The following MAP3K4 variants were observed in gnomAD, a reference collection of about 807,000 sequenced individuals.
MAP3K4 encodes MAP three kinase 1.
A neutral mutation model predicts 185.6 loss-of-function variants in MAP3K4; 67 were observed. That is an observed-to-expected ratio of 0.36 (90% CI 0.30 to 0.44). The LOEUF is 0.44. Among genes scored for constraint, MAP3K4 ranks in the 20% least tolerant of loss-of-function variants. The pLI is 1.00. For missense variants in MAP3K4, 1,551 were observed against 1,995.1 expected (o/e 0.78, Z 4.24); for synonymous variants, 702 against 710.4 (o/e 0.99, Z 0.19).
In MAP3K4 at chr6:161,034,572, A is replaced by ATT. The variant is rs3214734; in HGVS notation, c.343+131_343+132dup. 9,458 of 559,844 alleles carry ATT rather than the reference A, an allele frequency of 0.017. 120 individuals are homozygous for ATT. The highest frequency in any genetic ancestry group is 0.074 in the African/African-American group (3,771 of 51,226). 34.7% of individuals were successfully genotyped at this position (559,844 alleles called of 1,614,324 possible). ...GATTTTAATGCTCCTGTAAAGTTCA[A>ATT]TTTTTTTTTGAATTATTACCATTAG... On this transcript the variant is annotated intron_variant, in intron 2 of 26. Coordinates refer to ENST00000392142, the MANE Select transcript of MAP3K4 (RefSeq NM_005922.4). This position sits in a 1 kb window ranked among gnomAD's most constrained non-coding sequence, Gnocchi z 4.4.
intron 4 of MAP3K4, among the ~76,000 whole-genome samples, chr6:161,072,426 ATG>A (rs906333984): frequency 2.6e-5 from 4 of 152,170 alleles, no homozygotes; most frequent in African/African-American, 7.2e-5. Context: ...ACAAGTAAGT[ATG>A]TGTGTGTGTG....
Position 161,112,568 on chromosome 6 carries a change from G to T in MAP3K4, c.4520-100G>T. 1 of 731,226 alleles carries T rather than the reference G, an allele frequency of 1.4e-6. No homozygotes were observed. The highest frequency in any genetic ancestry group is 4.9e-5 in the South Asian group (1 of 20,344). 45.3% of individuals were successfully genotyped at this position (731,226 alleles called of 1,614,324 possible). On this transcript the variant is annotated intron_variant, in intron 24 of 26. Coordinates refer to ENST00000392142, the MANE Select transcript of MAP3K4 (RefSeq NM_005922.4). The surrounding 1 kb of genome is among the most constrained non-coding windows in gnomAD (Gnocchi z 5.1). The stretch of plus-strand genomic sequence containing the variant: ...TGATATTTCCCATTACCTAATGCAG[G>T]AAGATAATATTGTACAATATTAATT...
At chr6:161,055,126 CAG>C (rs996489162) in intron 3 of MAP3K4, among the ~76,000 whole-genome samples, 1 of 152,094 alleles carries the variant, frequency 6.6e-6, no homozygotes, top group Non-Finnish European at 1.5e-5. Flanking sequence ...CTCTCAATGA[CAG>C]GGATTGTCTT....
chr6:160,998,050 A>G (rs1562469351), intron 1 of MAP3K4, among the ~76,000 whole-genome samples: 1 of 152,134 alleles, frequency 6.6e-6, no homozygotes, highest in Non-Finnish European at 1.5e-5. Context: ...ATAAAAATAA[A>G]TAAAGAGATG....
intron 1 of MAP3K4, among the ~76,000 whole-genome samples, chr6:161,001,495 C>T (rs1450334115): frequency 2.0e-5 from 3 of 152,024 alleles, no homozygotes; most frequent in Admixed American, 1.3e-4. Flanking sequence ...CCTCAGAGCC[C>T]CTGCAGTTTG....
intron 1 of MAP3K4, among the ~76,000 whole-genome samples, chr6:161,029,621 C>CAAAT: frequency 6.6e-6 from 1 of 152,172 alleles, no homozygotes; most frequent in Admixed American, 6.5e-5. Context: ...ACAAGTAAGA[C>CAAAT]AAATGTTTCA....
At chr6:161,024,758 G>A (rs982917860) in intron 1 of MAP3K4, among the ~76,000 whole-genome samples, 1 of 152,078 alleles carries the variant, frequency 6.6e-6, no homozygotes, top group African/African-American at 2.4e-5. Flanking sequence ...AAGCTTGATC[G>A]CCTGTTTGTT....
intron 6 of MAP3K4, among the ~76,000 whole-genome samples, chr6:161,083,023 C>T (rs1017453672): frequency 2.6e-5 from 4 of 152,178 alleles, no homozygotes; most frequent in African/African-American, 7.2e-5. Context: ...CTTCTAGACC[C>T]TCCTGTCCTG....
rs753704099 is a variant in MAP3K4, at chr6:161,091,587, G to C, written c.3135+47G>C. ...ACACGGTACAATTTAGTAATTGCTT[G>C]ATAACTTACAGAAAGTTTTTGGAAC... On this transcript the variant is annotated intron_variant, in intron 12 of 26. Coordinates refer to ENST00000392142, the MANE Select transcript of MAP3K4 (RefSeq NM_005922.4). The surrounding 1 kb of genome is among the most constrained non-coding windows in gnomAD (Gnocchi z 5.5). The C allele has an allele frequency of 5.2e-6, 8 of 1,551,234 alleles. No individual in the cohort carries two copies. The highest frequency in any genetic ancestry group is 7.0e-6 in the Non-Finnish European group (8 of 1,143,422).
rs889208625 is a variant in MAP3K4 at position 161,077,308 on chromosome 6, A to C, written c.2098-3573A>C. Among the ~76,000 whole-genome samples, 1 of 150,560 alleles carries C rather than the reference A, an allele frequency of 6.6e-6. No homozygotes were observed. The highest frequency in any genetic ancestry group is 2.4e-5 in the African/African-American group (1 of 41,278). Reference sequence around the variant, plus strand: ...TACATGTACCCCGGAACTTAAAATAAAAATTAAAGAAAAATCAACAAGAAC... The same window carrying C: ...TACATGTACCCCGGAACTTAAAATACAAATTAAAGAAAAATCAACAAGAAC... On this transcript the variant is annotated intron_variant, in intron 5 of 26. Transcript: ENST00000392142. The surrounding 1 kb of genome is among the most constrained non-coding windows in gnomAD (Gnocchi z 4.3).
chr6:161,019,960 C>T (rs2115109160), intron 1 of MAP3K4, among the ~76,000 whole-genome samples: 1 of 152,286 alleles, frequency 6.6e-6, no homozygotes, highest in East Asian at 1.9e-4. Flanking sequence ...TTATTTTATT[C>T]ACTGCATCTT....
Position 161,073,651 on chromosome 6 carries a change from G to C in MAP3K4, c.2097+39G>C, listed in dbSNP as rs148884354. The C allele has an allele frequency of 3.2e-6, 5 of 1,583,902 alleles. No homozygotes were observed. Among genetic ancestry groups the C allele is most frequent in the Middle Eastern group, 1.8e-4 (1 of 5,494 alleles). The stretch of plus-strand genomic sequence containing the variant: ...GGGAGGAATTTTTCTTTCTTTCTTT[G>C]TTTCTTTTTTTAAAAAAGTAAGCCT... On this transcript the variant is annotated intron_variant, in intron 5 of 26. Transcript: ENST00000392142. This position sits in a 1 kb window ranked among gnomAD's most constrained non-coding sequence, Gnocchi z 4.2.
chr6:161,065,799 G>C (rs918458291), intron 3 of MAP3K4, among the ~76,000 whole-genome samples: 3 of 152,018 alleles, frequency 2.0e-5, no homozygotes, highest in Non-Finnish European at 4.4e-5. Context: ...TTAGTCTGGC[G>C]TGGTGGCGGG....
chr6:161,006,317 G>T (rs949610078), intron 1 of MAP3K4, among the ~76,000 whole-genome samples: 1 of 152,160 alleles, frequency 6.6e-6, no homozygotes, highest in Non-Finnish European at 1.5e-5. Context: ...TTCTGCATCT[G>T]TGGATTCAAC....
chr6:161,041,926 C>CT (rs869273927), intron 2 of MAP3K4, among the ~76,000 whole-genome samples: 6 of 45,182 alleles, frequency 1.3e-4, no homozygotes, highest in Non-Finnish European at 2.4e-4. Context: ...TTTTTTTTTT[C>CT]TTTTTTTTTT....
At position 161,109,793 on chromosome 6, in the gene MAP3K4, G is replaced by A; in HGVS notation, c.4275G>A (p.Gly1425=). ...MYIFMEYCDE[G]TLEEVSRLGL... ...TCTTCATGGAGTACTGCGATGAGGG[G>A]ACTTTAGAAGAGGTGTCAAGGCTGG... The change falls in exon 23 of 27, where the codon GGG becomes GGA. Residue 1425 remains glycine, a synonymous_variant. Transcript: ENST00000392142. This position sits in a 1 kb window ranked among gnomAD's most constrained non-coding sequence, Gnocchi z 5.7. 6.2e-7 allele frequency: 1 copy of A among 1,614,134 alleles called. No individual in the cohort carries two copies. The highest frequency in any genetic ancestry group is 1.3e-5 in the African/African-American group (1 of 75,020).
chr6:161,006,460 G>T (rs1781586476), intron 1 of MAP3K4, among the ~76,000 whole-genome samples: 2 of 152,088 alleles, frequency 1.3e-5, no homozygotes, highest in South Asian at 4.1e-4. Flanking sequence ...GTTGTATTAG[G>T]TATTATAACT....
At chr6:161,113,545 A>G (rs1778444745) in intron 25 of MAP3K4, among the ~76,000 whole-genome samples, 1 of 152,030 alleles carries the variant, frequency 6.6e-6, no homozygotes, top group South Asian at 2.1e-4. Flanking sequence ...GTGCATTGAC[A>G]TTGGTTCATC....
chr6:161,039,714 C>G (rs1188563848), intron 2 of MAP3K4, among the ~76,000 whole-genome samples: 1 of 152,108 alleles, frequency 6.6e-6, no homozygotes, highest in African/African-American at 2.4e-5. Context: ...TAAATAAGCT[C>G]TTAGTTTTGT....
Sources: allele counts gnomAD v4.1 joint callset (sites outside exome capture counted in the v4.1 genomes callset), GRCh38; gene constraint gnomAD v4.1.1; non-coding constraint Gnocchi (gnomAD v3.1); transcripts MANE v1.5; gene names NCBI Gene and HGNC (gene_info 2026-07-23, HGNC 2026-07-21).